ROCK1: variants seen among roughly 807,000 people sequenced by gnomAD.
The protein encoded by ROCK1 is Rho associated coiled-coil containing protein kinase 1.
In ROCK1, 36 loss-of-function variants were observed where a neutral mutation model predicts 196.8. The observed-to-expected ratio is 0.18, with a 90% CI of 0.14 to 0.24. The LOEUF is 0.24. Among genes scored for constraint, ROCK1 ranks in the 10% least tolerant of loss-of-function variants. The probability of loss-of-function intolerance (pLI) is 1.00; values close to 1 mark genes in which losing one functional copy is unlikely to be tolerated. For missense variants in ROCK1, 920 were observed against 1,562.0 expected, an observed-to-expected ratio of 0.59 and a Z score of 6.93; for synonymous variants, 443 against 515.9, an observed-to-expected ratio of 0.86 and a Z score of 1.91.
rs1201335240 is a variant in ROCK1 at position 20,969,166 on chromosome 18, A to G, written c.2863T>C (p.Leu955=). 9 of 1,604,286 alleles carry G rather than the reference A, an allele frequency of 5.6e-6. No homozygotes were observed. The highest frequency in any genetic ancestry group is 1.7e-5 in the Admixed American group (1 of 59,954). ...GTTAGCTCTTCATTCTCTCTTCTTA[A>G]TATTTCAATATCTTTGGTTAGCATG... ...NSMLTKDIEI[L]RRENEELTEK... Residue 955 remains leucine, a synonymous_variant, in exon 24 of 33, where the codon TTA becomes CTA. Coordinates refer to ENST00000399799, the MANE Select transcript of ROCK1 (RefSeq NM_005406.3).
At chr18:21,004,787 C>A (rs192862268) in intron 16 of ROCK1, among the ~76,000 whole-genome samples, 1 of 152,156 alleles carries the variant, frequency 6.6e-6, no homozygotes, top group African/African-American at 2.4e-5. Flanking sequence ...CCTAGGAAAA[C>A]AATTTAAGGA....
chr18:21,067,403 T>C (rs2036344720), intron 2 of ROCK1, among the ~76,000 whole-genome samples: 2 of 150,074 alleles, frequency 1.3e-5, no homozygotes, highest in South Asian at 4.2e-4. Context: ...TTTTTTTTTT[T>C]TGAGACAAAG....
At chr18:21,017,648 A>C (rs980534411) in intron 12 of ROCK1, among the ~76,000 whole-genome samples, 5 of 152,084 alleles carry the variant, frequency 3.3e-5, no homozygotes, top group African/African-American at 1.2e-4. Context: ...AATGTAACTA[A>C]AATGATTTGA....
At chr18:21,062,829 G>A (rs904699558) in intron 2 of ROCK1, among the ~76,000 whole-genome samples, 2 of 152,100 alleles carry the variant, frequency 1.3e-5, no homozygotes, top group Non-Finnish European at 2.9e-5. Context: ...GGACTTTCTA[G>A]ATCATCTCTA....
At chr18:20,988,310 T>C (rs952514970) in intron 18 of ROCK1, among the ~76,000 whole-genome samples, 1 of 152,082 alleles carries the variant, frequency 6.6e-6, no homozygotes, top group African/African-American at 2.4e-5. Context: ...TCAAATAATC[T>C]GCCTGCCTTG....
intron 18 of ROCK1, 49 bp from the exon 19 acceptor site, chr18:20,987,159 A>G: frequency 1.3e-6 from 2 of 1,560,738 alleles, no homozygotes; most frequent in Non-Finnish European, 1.7e-6. Context: ...AGAGTACTTT[A>G]ACACATTTCA....
At chr18:21,060,602 G>A (rs1013012860) in intron 2 of ROCK1, among the ~76,000 whole-genome samples, 2 of 152,116 alleles carry the variant, frequency 1.3e-5, no homozygotes, top group Admixed American at 6.5e-5. Context: ...CACTTTGGGA[G>A]GCCGAGGCAG....
At chr18:20,984,937 A>AC (rs938436861) in intron 19 of ROCK1, among the ~76,000 whole-genome samples, 1 of 151,952 alleles carries the variant, frequency 6.6e-6, no homozygotes, top group Non-Finnish European at 1.5e-5. Context: ...ACATGGTGAA[A>AC]CCCTGTCTCT....
intron 22 of ROCK1, among the ~76,000 whole-genome samples, chr18:20,973,319 C>T (rs2035447849): frequency 6.6e-6 from 1 of 152,090 alleles, no homozygotes; most frequent in South Asian, 2.1e-4. Flanking sequence ...TCTCTGTCGC[C>T]CAGGCTGGAG....
At chr18:21,059,687 G>T (rs1384414671) in intron 2 of ROCK1, among the ~76,000 whole-genome samples, 1 of 152,034 alleles carries the variant, frequency 6.6e-6, no homozygotes, top group Non-Finnish European at 1.5e-5. Flanking sequence ...CCACTTCTAG[G>T]TATCTACGCA....
chr18:21,089,153 G>A (rs1035275774), intron 1 of ROCK1, among the ~76,000 whole-genome samples: 2 of 151,996 alleles, frequency 1.3e-5, no homozygotes, highest in Non-Finnish European at 2.9e-5. Flanking sequence ...AAGTTCCCCT[G>A]GTTCAAGAAA....
At chr18:21,078,878 C>T (rs1277081412) in intron 1 of ROCK1, among the ~76,000 whole-genome samples, 2 of 152,122 alleles carry the variant, frequency 1.3e-5, no homozygotes, top group African/African-American at 2.4e-5. Flanking sequence ...TCTCAGGAGG[C>T]TTTCTAGGGT....
intron 2 of ROCK1, among the ~76,000 whole-genome samples, chr18:21,053,386 C>T (rs182221998): frequency 5.9e-5 from 9 of 152,094 alleles, no homozygotes; most frequent in African/African-American, 2.2e-4. Flanking sequence ...TGTTGCTGTC[C>T]TATGAGTCAG....
At chr18:20,962,025 A>C (rs2035332248) in intron 27 of ROCK1, among the ~76,000 whole-genome samples, 1 of 151,956 alleles carries the variant, frequency 6.6e-6, no homozygotes, top group Non-Finnish European at 1.5e-5. Context: ...TTAACACTTG[A>C]TTTTATATAT....
chr18:21,016,624 C>A (rs1193321772), intron 12 of ROCK1, among the ~76,000 whole-genome samples: 6 of 152,088 alleles, frequency 3.9e-5, no homozygotes, highest in African/African-American at 1.4e-4. Context: ...CAAAATAGAA[C>A]TTACTGCCTC....
intron 1 of ROCK1, among the ~76,000 whole-genome samples, chr18:21,106,640 C>T (rs1481234915): frequency 6.6e-6 from 1 of 152,160 alleles, no homozygotes; most frequent in Non-Finnish European, 1.5e-5. Flanking sequence ...TCCCGATAAT[C>T]CTTATAAACT....
intron 1 of ROCK1, among the ~76,000 whole-genome samples, chr18:21,086,529 T>A (rs1158160691): frequency 6.6e-6 from 1 of 152,180 alleles, no homozygotes; most frequent in Non-Finnish European, 1.5e-5. Flanking sequence ...TCATTTTCCA[T>A]GGAACTATAA....
At chr18:21,030,450 A>C (rs1006715789) in intron 9 of ROCK1, among the ~76,000 whole-genome samples, 4 of 152,204 alleles carry the variant, frequency 2.6e-5, no homozygotes, top group East Asian at 3.9e-4. Context: ...GCTAAAGCTC[A>C]GAAAACCTGC....
chr18:21,060,122 G>A (rs2036276275), intron 2 of ROCK1, among the ~76,000 whole-genome samples: 1 of 152,160 alleles, frequency 6.6e-6, no homozygotes, highest in Non-Finnish European at 1.5e-5. Flanking sequence ...GGTAATGGTT[G>A]CACAACTCTG....
Sources: allele counts gnomAD v4.1 joint callset (sites outside exome capture counted in the v4.1 genomes callset), GRCh38; gene constraint gnomAD v4.1.1; transcripts MANE v1.5; gene names NCBI Gene and HGNC (gene_info 2026-07-23, HGNC 2026-07-21).